POC1A: variants seen among roughly 807,000 people sequenced by gnomAD.
POC1A encodes POC1 centriolar protein A, also known as POC1 centriolar protein homolog A.
In POC1A, 34 loss-of-function variants were observed where a neutral mutation model predicts 47.8. That is an observed-to-expected ratio of 0.71 (90% CI 0.54 to 0.95). POC1A has a LOEUF of 0.95. Among genes scored for constraint, POC1A ranks in the 40% least tolerant of loss-of-function variants. The pLI, the probability that POC1A is intolerant of heterozygous loss-of-function variation, is 0.00. For synonymous variants in POC1A, 177 were observed against 207.6 expected (o/e 0.85, Z 1.27); for missense variants, 466 against 528.3 (o/e 0.88, Z 1.16).
intron 10 of POC1A, among the ~76,000 whole-genome samples, chr3:52,086,681 C>G (rs1702465696): frequency 6.6e-6 from 1 of 152,244 alleles, no homozygotes; most frequent in Non-Finnish European, 1.5e-5. Context: ...GCCTGCAGCA[C>G]CTTCACACCA....
intron 9 of POC1A, among the ~76,000 whole-genome samples, chr3:52,096,915 T>C (rs1702836216): frequency 6.6e-6 from 1 of 152,110 alleles, no homozygotes; most frequent in African/African-American, 2.4e-5. Context: ...AGGCCTTAAG[T>C]GGGGAGTGGA....
rs372189584 is a variant in POC1A at position 52,128,632 on chromosome 3, T to C, written c.814-3451A>G. On this transcript the variant is annotated intron_variant, in intron 7 of 10. Coordinates refer to ENST00000296484, the MANE Select transcript of POC1A (RefSeq NM_015426.5). Reference sequence around the variant, plus strand: ...ATGTACTGTAGAAGAGACTGTCCACTGCTGACATGCTTCAGGGCCTAGCCT... The same window carrying C: ...ATGTACTGTAGAAGAGACTGTCCACCGCTGACATGCTTCAGGGCCTAGCCT... Among the ~76,000 whole-genome samples, 147 of 152,304 alleles carry C rather than the reference T, an allele frequency of 9.7e-4. 2 individuals carry two copies. The highest frequency in any genetic ancestry group is 3.4e-3 in the African/African-American group (140 of 41,564).
intron 9 of POC1A, among the ~76,000 whole-genome samples, chr3:52,097,926 T>G (rs923642898): frequency 6.6e-6 from 1 of 152,184 alleles, no homozygotes; most frequent in African/African-American, 2.4e-5. Context: ...CAGAAGCCCA[T>G]CCCAAAAGGA....
intron 9 of POC1A, among the ~76,000 whole-genome samples, chr3:52,117,316 G>A (rs1703602036): frequency 6.6e-6 from 1 of 152,180 alleles, no homozygotes. Context: ...TTGCGCCACT[G>A]TAGTTCAGCC....
intron 9 of POC1A, among the ~76,000 whole-genome samples, chr3:52,120,044 G>A (rs1703716873): frequency 6.6e-6 from 1 of 152,172 alleles, no homozygotes; most frequent in Non-Finnish European, 1.5e-5. Flanking sequence ...AAGCCCTTGG[G>A]CAAGAAGGGC....
At chr3:52,132,054 G>C (rs748369651) in intron 7 of POC1A, among the ~76,000 whole-genome samples, 1 of 152,152 alleles carries the variant, frequency 6.6e-6, no homozygotes, top group South Asian at 2.1e-4. Flanking sequence ...CATTTTCCAT[G>C]AGCTCAAGTG....
intron 9 of POC1A, among the ~76,000 whole-genome samples, chr3:52,103,613 A>G (rs548362437): frequency 2.0e-4 from 30 of 152,324 alleles, no homozygotes; most frequent in African/African-American, 6.7e-4. Flanking sequence ...AATCTCTGTG[A>G]CCTTGGGTTG....
At chr3:52,080,649 T>C (rs909641884) in intron 10 of POC1A, among the ~76,000 whole-genome samples, 1 of 152,200 alleles carries the variant, frequency 6.6e-6, no homozygotes, top group Non-Finnish European at 1.5e-5. Flanking sequence ...CGAAAGGACA[T>C]AGTGACAAGA....
chr3:52,138,604 C>T (rs942030094), intron 6 of POC1A, among the ~76,000 whole-genome samples: 3 of 152,218 alleles, frequency 2.0e-5, no homozygotes, highest in Non-Finnish European at 2.9e-5. Context: ...CAGCACCAAG[C>T]GGTCAAGCTG....
At chr3:52,086,491 C>G (rs1330773597) in intron 10 of POC1A, among the ~76,000 whole-genome samples, 2 of 152,230 alleles carry the variant, frequency 1.3e-5, no homozygotes, top group Non-Finnish European at 2.9e-5. Flanking sequence ...CAAAGCAGGG[C>G]TGCCGGGCCC....
intron 1 of POC1A, among the ~76,000 whole-genome samples, chr3:52,152,212 T>C (rs996394659): frequency 3.3e-5 from 5 of 152,040 alleles, no homozygotes; most frequent in African/African-American, 1.2e-4. Flanking sequence ...GAGTTCAAGG[T>C]TGCAGTGAGC....
Position 52,075,452 on chromosome 3 carries a change from C to T in POC1A, c.*435G>A, listed in dbSNP as rs779077777. On this transcript the variant is annotated 3_prime_UTR_variant, in exon 11 of 11. Transcript: ENST00000296484. The stretch of plus-strand genomic sequence containing the variant: ...TTTAGTCAGATTTAGAGAAAACCCC[C>T]GGCTCATCCAATCAATGTGCAATCA... 1.8e-5 allele frequency: 3 copies of T among 166,326 alleles called. No individual in the cohort carries two copies. Among genetic ancestry groups the T allele is most frequent in the Non-Finnish European group, 2.7e-5 (2 of 75,220 alleles). 10.3% of individuals were successfully genotyped at this position (166,326 alleles called of 1,614,324 possible).
At chr3:52,107,789 C>T (rs1482438352) in intron 9 of POC1A, among the ~76,000 whole-genome samples, 1 of 152,330 alleles carries the variant, frequency 6.6e-6, no homozygotes, top group Non-Finnish European at 1.5e-5. Flanking sequence ...TTCCATATAT[C>T]CCTCTGCCAG....
In POC1A at chr3:52,079,584, A is replaced by G. The variant is rs1702222083; in HGVS notation, c.1126-3599T>C. 6.6e-6 allele frequency among the ~76,000 whole-genome samples: 1 copy of G among 152,256 alleles called. No homozygotes were observed. Among genetic ancestry groups the G allele is most frequent in the Admixed American group, 6.5e-5 (1 of 15,290 alleles). ...CTCTGTACAGGGGAGCAGGGGCCAG[A>G]GGTCTGGTCCTAGCCCCTCAGAAGG... On this transcript the variant is annotated intron_variant, in intron 10 of 10. Transcript: ENST00000296484. This position sits in a 1 kb window ranked among gnomAD's most constrained non-coding sequence, Gnocchi z 4.6.
chr3:52,087,711 CA>C (rs1702508162), intron 10 of POC1A, among the ~76,000 whole-genome samples: 1 of 152,196 alleles, frequency 6.6e-6, no homozygotes, highest in African/African-American at 2.4e-5. Flanking sequence ...CTCTTTCCCC[CA>C]AAAGGAGAAG....
At chr3:52,109,102 G>T (rs1171453913) in intron 9 of POC1A, among the ~76,000 whole-genome samples, 2 of 152,194 alleles carry the variant, frequency 1.3e-5, no homozygotes, top group African/African-American at 4.8e-5. Flanking sequence ...CCAGAACCAT[G>T]GGTCGGGGAA....
intron 1 of POC1A, among the ~76,000 whole-genome samples, chr3:52,152,199 C>T (rs1336581553): frequency 6.6e-6 from 1 of 152,146 alleles, no homozygotes. Flanking sequence ...TGCTTGAGCA[C>T]AGGAGTTCAA....
chr3:52,126,431 A>G (rs1374611103), intron 7 of POC1A, among the ~76,000 whole-genome samples: 1 of 152,188 alleles, frequency 6.6e-6, no homozygotes, highest in African/African-American at 2.4e-5. Context: ...TCCAGAGTCC[A>G]CCTTCGGCTC....
rs117748646 is a variant in POC1A at position 52,078,359 on chromosome 3, T to C, written c.1126-2374A>G. Reference sequence around the variant, plus strand: ...CATTAGAATGCTGTCTGGCACTCTTTGCTCCATGTAGTTAAAAAAAAAAAA... The same window carrying C: ...CATTAGAATGCTGTCTGGCACTCTTCGCTCCATGTAGTTAAAAAAAAAAAA... On this transcript the variant is annotated intron_variant, in intron 10 of 10. Coordinates refer to ENST00000296484, the MANE Select transcript of POC1A (RefSeq NM_015426.5). Among the ~76,000 whole-genome samples, 3 of 152,134 alleles carry C rather than the reference T, an allele frequency of 2.0e-5. No homozygotes were observed. In the East Asian group the frequency reaches 5.8e-4, roughly 29 times the overall value.
Sources: allele counts gnomAD v4.1 joint callset (sites outside exome capture counted in the v4.1 genomes callset), GRCh38; gene constraint gnomAD v4.1.1; non-coding constraint Gnocchi (gnomAD v3.1); transcripts MANE v1.5; gene names NCBI Gene and HGNC (gene_info 2026-07-23, HGNC 2026-07-21).